MYO16: variants seen among roughly 807,000 people sequenced by gnomAD.
MYO16 encodes the protein unconventional myosin-XVI.
In MYO16, 94 loss-of-function variants were observed where a neutral mutation model predicts 205.3. That is an observed-to-expected ratio of 0.46 (90% confidence interval 0.39 to 0.54). The LOEUF (loss-of-function observed/expected upper bound fraction) is 0.54. Ranked by LOEUF, MYO16 falls within the 20% of genes least tolerant of loss-of-function variation. The pLI, the probability that MYO16 is intolerant of heterozygous loss-of-function variation, is 0.00. For missense variants in MYO16, 2,315 were observed against 2,387.5 expected (o/e 0.97, Z 0.63); for synonymous variants, 988 against 954.0 (o/e 1.04, Z -0.66).
chr13:108,803,227 G>T (rs1887017913), intron 6 of MYO16, among the ~76,000 whole-genome samples: 1 of 152,168 alleles, frequency 6.6e-6, no homozygotes, highest in Admixed American at 6.5e-5. Context: ...TTTGCTCTGT[G>T]CTGCCTTAAA....
the MYO16 span, among the ~76,000 whole-genome samples, chr13:108,497,133 A>C: frequency 6.6e-6 from 1 of 152,208 alleles, no homozygotes; most frequent in Non-Finnish European, 1.5e-5. Flanking sequence ...AAGGGATCCC[A>C]AAGTCGTCAA....
At chr13:108,599,667 A>T (rs956228494) in intron 1 of MYO16, among the ~76,000 whole-genome samples, 32 of 152,108 alleles carry the variant, frequency 2.1e-4, no homozygotes, top group African/African-American at 5.1e-4. Context: ...CATTAAAAAA[A>T]ATATCAAATG....
chr13:108,730,076 T>C (rs2139589644), intron 4 of MYO16, among the ~76,000 whole-genome samples: 1 of 152,280 alleles, frequency 6.6e-6, no homozygotes, highest in Non-Finnish European at 1.5e-5. Flanking sequence ...GAGACTGGTA[T>C]CACAGGTAGC....
chr13:109,099,770 C>G lies in MYO16; in HGVS notation c.3336-1015C>G, dbSNP rs182358975. 5.3e-5 allele frequency among the ~76,000 whole-genome samples: 8 copies of G among 152,334 alleles called. No homozygotes were observed. In the East Asian group the frequency reaches 1.5e-3, roughly 29 times the overall value. The stretch of plus-strand genomic sequence containing the variant: ...CCATGAGACATGTCCCATACTCCCA[C>G]TACTTGCTCTGAGGAAAGCAAGTAA... On this transcript the variant is annotated intron_variant, in intron 27 of 34. Coordinates refer to ENST00000457511, the MANE Select transcript of MYO16 (RefSeq NM_001198950.3).
intron 28 of MYO16, among the ~76,000 whole-genome samples, chr13:109,113,573 G>C (rs1442691007): frequency 6.6e-6 from 1 of 152,222 alleles, no homozygotes; most frequent in African/African-American, 2.4e-5. Context: ...TGGAGCTACT[G>C]AAATTATTCA....
intron 11 of MYO16, among the ~76,000 whole-genome samples, chr13:108,857,844 G>C (rs1878261953): frequency 6.6e-6 from 1 of 152,042 alleles, no homozygotes; most frequent in African/African-American, 2.4e-5. Flanking sequence ...TTTTTTTCTA[G>C]TCAGTTTCTC....
chr13:109,084,158 G>A (rs1043427753), intron 27 of MYO16, among the ~76,000 whole-genome samples: 44 of 151,962 alleles, frequency 2.9e-4, no homozygotes, highest in African/African-American at 1.0e-3. Flanking sequence ...AGAAAACCTG[G>A]GTACTTATAA....
At chr13:108,522,683 C>T in the MYO16 span, among the ~76,000 whole-genome samples, 1 of 152,118 alleles carries the variant, frequency 6.6e-6, no homozygotes, top group Non-Finnish European at 1.5e-5. Flanking sequence ...CTTCTGGTGA[C>T]TGCCTGGCAA....
intron 23 of MYO16, among the ~76,000 whole-genome samples, chr13:109,045,799 T>A (rs796683850): frequency 1.1e-4 from 17 of 152,346 alleles, no homozygotes; most frequent in African/African-American, 4.1e-4. Flanking sequence ...TTCTTCATAG[T>A]TTCTTCTGCT....
At chr13:108,783,869 C>G (rs1886379297) in intron 4 of MYO16, among the ~76,000 whole-genome samples, 2 of 152,184 alleles carry the variant, frequency 1.3e-5, no homozygotes, top group South Asian at 2.1e-4. Context: ...AACTGTGAGT[C>G]CAATTAAACC....
chr13:109,112,703 C>T (rs1352501854), intron 28 of MYO16, among the ~76,000 whole-genome samples: 1 of 151,732 alleles, frequency 6.6e-6, no homozygotes, highest in East Asian at 1.9e-4. Flanking sequence ...TGTGGTGAGC[C>T]GAGATCATGC....
At chr13:108,773,822 TAA>T (rs35999673) in intron 4 of MYO16, among the ~76,000 whole-genome samples, 8 of 150,562 alleles carry the variant, frequency 5.3e-5, no homozygotes, top group Non-Finnish European at 8.9e-5. Flanking sequence ...TGTTAGCATG[TAA>T]AAAAAAAAGT....
rs371712020 is a variant in MYO16, at chr13:109,097,101, G to A, written c.3336-3684G>A. On this transcript the variant is annotated intron_variant, in intron 27 of 34. Coordinates refer to ENST00000457511, the MANE Select transcript of MYO16 (RefSeq NM_001198950.3). ...TCCCAGCACTTTGGGAGGCCAAGGC[G>A]GGTGGATCACCTGAGGTCAGCAGTT... Among the ~76,000 whole-genome samples the A allele has an allele frequency of 6.6e-5, 10 of 152,280 alleles. No homozygotes were observed. In the East Asian group the frequency reaches 1.5e-3, roughly 24 times the overall value.
intron 25 of MYO16, among the ~76,000 whole-genome samples, chr13:109,054,677 G>T (rs12430811): frequency 0.034 from 5,113 of 152,144 alleles, 129 homozygotes; most frequent in South Asian, 0.057. Flanking sequence ...GGCAGTAACA[G>T]TTGTTATTTT....
chr13:108,570,815 A>G, the MYO16 span, among the ~76,000 whole-genome samples: 1 of 152,238 alleles, frequency 6.6e-6, no homozygotes, highest in Non-Finnish European at 1.5e-5. Flanking sequence ...GGTAGCCAAA[A>G]GCCTTGCCTC....
intron 1 of MYO16, among the ~76,000 whole-genome samples, chr13:108,640,192 G>T (rs1880440060): frequency 6.6e-6 from 1 of 152,190 alleles, no homozygotes. Flanking sequence ...TGAGTGGTTT[G>T]CAAAGGAGTT....
chr13:109,140,251 T>C lies in MYO16; in HGVS notation c.4052-13T>C. The C allele has an allele frequency of 1.3e-6, 2 of 1,597,586 alleles. No individual in the cohort carries two copies. The highest frequency in any genetic ancestry group is 8.5e-7 in the Non-Finnish European group (1 of 1,178,496). Reference sequence around the variant, plus strand: ...GGCCTGGCACCCACTGACCGCGTCCTTTCCTGCCGCAGCTCTGGCCCGGCC... The same window carrying C: ...GGCCTGGCACCCACTGACCGCGTCCCTTCCTGCCGCAGCTCTGGCCCGGCC... On this transcript the variant is annotated splice_polypyrimidine_tract_variant and intron_variant, in intron 31 of 34. Transcript: ENST00000457511. The surrounding 1 kb of genome is among the most constrained non-coding windows in gnomAD (Gnocchi z 8.0).
chr13:108,549,625 A>G, the MYO16 span, among the ~76,000 whole-genome samples: 2 of 152,028 alleles, frequency 1.3e-5, no homozygotes, highest in Admixed American at 1.3e-4. Flanking sequence ...ATTTTATGTT[A>G]AATGCATGTG....
intron 4 of MYO16, among the ~76,000 whole-genome samples, chr13:108,748,061 C>G (rs1393308793): frequency 1.3e-5 from 2 of 152,074 alleles, no homozygotes; most frequent in African/African-American, 4.8e-5. Context: ...ACACATTCTT[C>G]TCAATCTCAC....
Sources: allele counts gnomAD v4.1 joint callset (sites outside exome capture counted in the v4.1 genomes callset), GRCh38; gene constraint gnomAD v4.1.1; non-coding constraint Gnocchi (gnomAD v3.1); transcripts MANE v1.5; gene names NCBI Gene and HGNC (gene_info 2026-07-23, HGNC 2026-07-21).